CWC22: variants seen among roughly 807,000 people sequenced by gnomAD.
CWC22 encodes CWC22 spliceosome associated protein, also known as pre-mRNA-splicing factor CWC22 homolog.
In CWC22, 53 loss-of-function variants were observed where a neutral mutation model predicts 117.2. That is an observed-to-expected ratio of 0.45 (90% CI 0.36 to 0.57). CWC22 has a LOEUF of 0.57. Ranked by LOEUF, CWC22 falls within the 20% of genes least tolerant of loss-of-function variation. The pLI is 0.00. For missense variants in CWC22, 980 were observed against 1,068.8 expected, an observed-to-expected ratio of 0.92 and a Z score of 1.16; for synonymous variants, 360 against 355.6, an observed-to-expected ratio of 1.01 and a Z score of -0.14.
intron 19 of CWC22, among the ~76,000 whole-genome samples, chr2:179,946,295 C>CA (rs1199721352): frequency 6.6e-6 from 1 of 151,238 alleles, no homozygotes; most frequent in Non-Finnish European, 1.5e-5. Context: ...ACAAAAAATT[C>CA]AAAAAATTAG....
intron 3 of CWC22, among the ~76,000 whole-genome samples, chr2:179,987,329 T>C (rs1687443190): frequency 6.6e-6 from 1 of 152,164 alleles, no homozygotes; most frequent in South Asian, 2.1e-4. Flanking sequence ...GCATCAGATC[T>C]GTTATTTGAA....
intron 1 of CWC22, among the ~76,000 whole-genome samples, chr2:180,001,767 G>C (rs923691482): frequency 6.6e-6 from 1 of 152,118 alleles, no homozygotes; most frequent in Non-Finnish European, 1.5e-5. Flanking sequence ...TCTTTTATGG[G>C]ACATTGCTCT....
intron 14 of CWC22, among the ~76,000 whole-genome samples, chr2:179,955,669 T>G (rs936987491): frequency 6.6e-6 from 1 of 152,030 alleles, no homozygotes; most frequent in Non-Finnish European, 1.5e-5. Context: ...TAACTGCTAG[T>G]ATATTATTCC....
chr2:179,964,625 T>A lies in CWC22; in HGVS notation c.1319A>T (p.Gln440Leu), dbSNP rs776663350. The change falls in exon 13 of 20, where the codon CAA (glutamine) becomes CTA (leucine). Residue 440 changes from glutamine to leucine, a missense_variant. Transcript: ENST00000410053. ...TGTTTTGTCATGAATAGTTACTTTT[T>A]GTCCTGAAAGAAACATAACAAAATT... ...EEEGEEDEEG[Q>L]KVTIHDKTEI... The A allele has an allele frequency of 6.6e-7, 1 of 1,524,056 alleles. No homozygotes were observed. The highest frequency in any genetic ancestry group is 2.4e-5 in the East Asian group (1 of 42,170). The allele number at this position is 1,524,056 out of a possible 1,614,324, so 94.4% of individuals were successfully genotyped here.
chr2:179,958,630 C>A lies in CWC22; in HGVS notation c.1458+392G>T, dbSNP rs529439858. 5.5e-4 allele frequency among the ~76,000 whole-genome samples: 83 copies of A among 151,964 alleles called. 1 individual carries two copies. In the South Asian group the frequency reaches 0.015, roughly 27 times the overall value. On this transcript the variant is annotated intron_variant, in intron 14 of 19. Coordinates refer to ENST00000410053, the MANE Select transcript of CWC22 (RefSeq NM_020943.3). ...GTGTGGCCCAAGACAATTTTTCTTC[C>A]AATGTAGCCCAGAGAAACCAAAAGA...
chr2:180,001,002 T>C (rs574074526), intron 1 of CWC22, among the ~76,000 whole-genome samples: 1 of 152,330 alleles, frequency 6.6e-6, no homozygotes, highest in East Asian at 1.9e-4. Context: ...GAAATACTAT[T>C]AATTTTTTTA....
chr2:179,973,318 TA>T, intron 7 of CWC22, 72 bp from the exon 8 acceptor site: 1 of 1,012,448 alleles, frequency 9.9e-7, no homozygotes, highest in Non-Finnish European at 1.5e-6. Flanking sequence ...ATCTATGGCC[TA>T]CTAACATCAT....
chr2:179,993,227 T>G, intron 2 of CWC22, 88 bp downstream of exon 2: 1 of 997,338 alleles, frequency 1.0e-6, no homozygotes, highest in Non-Finnish European at 1.5e-6. Flanking sequence ...CTGGCTCTGA[T>G]GTCCTAATTA....
chr2:180,003,254 C>A (rs1482090587), intron 1 of CWC22, among the ~76,000 whole-genome samples: 1 of 152,208 alleles, frequency 6.6e-6, no homozygotes, highest in Non-Finnish European at 1.5e-5. Flanking sequence ...CTTGAAAACA[C>A]TTCCTCATTG....
chr2:180,001,763 A>C (rs1311648085), intron 1 of CWC22, among the ~76,000 whole-genome samples: 2 of 152,120 alleles, frequency 1.3e-5, no homozygotes, highest in African/African-American at 4.8e-5. Flanking sequence ...TCCTTCTTTT[A>C]TGGGACATTG....
intron 5 of CWC22, among the ~76,000 whole-genome samples, chr2:179,980,343 C>G (rs1687254715): frequency 6.6e-6 from 1 of 152,158 alleles, no homozygotes; most frequent in Non-Finnish European, 1.5e-5. Context: ...TCACCAAATA[C>G]CCCTTTCTGG....
chr2:179,971,521 T>C (rs1687033160), intron 8 of CWC22, among the ~76,000 whole-genome samples: 1 of 152,212 alleles, frequency 6.6e-6, no homozygotes. Context: ...CAATTCATTC[T>C]ATCAGCAACT....
intron 14 of CWC22, among the ~76,000 whole-genome samples, chr2:179,957,078 T>C (rs928060458): frequency 3.3e-5 from 5 of 152,168 alleles, no homozygotes; most frequent in Non-Finnish European, 7.4e-5. Context: ...CTGGAATAAC[T>C]ATCTTCTCAA....
intron 8 of CWC22, among the ~76,000 whole-genome samples, chr2:179,972,389 G>A (rs889553840): frequency 6.6e-6 from 1 of 151,966 alleles, no homozygotes; most frequent in Non-Finnish European, 1.5e-5. Context: ...AACACAAACT[G>A]AATAACAGCA....
rs755205073 is a variant in CWC22 at position 179,954,341 on chromosome 2, T to C, written c.1553A>G (p.Lys518Arg). The change falls in exon 16 of 20, where the codon AAG becomes AGG. Residue 518 changes from lysine to arginine, a missense_variant. Physicochemically the swap from Lys to Arg is conservative, Grantham distance 26. Around this residue, in one of 3 missense-constraint regions of CWC22, gnomAD observed 115 missense variants for 169.8 expected, o/e 0.68. Transcript: ENST00000410053. ...GLLAGRFCMLKKEYMESFEGI... is the reference protein window; with the variant it reads ...GLLAGRFCMLRKEYMESFEGI... Reference sequence around the variant, plus strand: ...TTCAAAGGATTCCATGTACTCTTTCTTTAGCATGCAAAATCGCTAATAAAT... The same window carrying C: ...TTCAAAGGATTCCATGTACTCTTTCCTTAGCATGCAAAATCGCTAATAAAT... 2 of 1,576,142 alleles carry C rather than the reference T, an allele frequency of 1.3e-6. No individual in the cohort carries two copies. The highest frequency in any genetic ancestry group is 1.3e-5 in the African/African-American group (1 of 74,112).
chr2:179,945,839 T>G (rs186857289), intron 19 of CWC22, 124 bp from the exon 20 acceptor site: 2 of 609,510 alleles, frequency 3.3e-6, no homozygotes, highest in African/African-American at 3.7e-5. Flanking sequence ...AAAGCCAAAT[T>G]GATTGAATAG....
chr2:179,965,026 G>A (rs1156351972), intron 12 of CWC22, among the ~76,000 whole-genome samples: 1 of 152,002 alleles, frequency 6.6e-6, no homozygotes, highest in East Asian at 1.9e-4. Flanking sequence ...AGATCATCAC[G>A]ACAGGCTGGA....
intron 17 of CWC22, among the ~76,000 whole-genome samples, chr2:179,951,131 C>T (rs1373416606): frequency 6.6e-6 from 1 of 151,794 alleles, no homozygotes; most frequent in Non-Finnish European, 1.5e-5. Context: ...AACTTGATTT[C>T]TATCATTATA....
intron 13 of CWC22, among the ~76,000 whole-genome samples, chr2:179,962,405 C>T (rs1469422093): frequency 6.6e-6 from 1 of 152,070 alleles, no homozygotes; most frequent in Non-Finnish European, 1.5e-5. Flanking sequence ...AAACATAAAC[C>T]TCCCCTTAAG....
Sources: gnomAD v4.1 joint callset for allele counts (sites outside exome capture counted in the v4.1 genomes callset) on GRCh38, gnomAD v4.1.1 for gene constraint, gnomAD v4.1.1 regional missense constraint, MANE v1.5 for transcripts, NCBI Gene and HGNC (gene_info 2026-07-23, HGNC 2026-07-21) for gene names.